CDKAL1: variants seen among roughly 807,000 people sequenced by gnomAD.
CDKAL1 encodes the protein CDKAL1 threonylcarbamoyladenosine tRNA methylthiotransferase.
In CDKAL1, 32 loss-of-function variants were observed where a neutral mutation model predicts 68.2. That is an observed-to-expected ratio of 0.47 (90% CI 0.35 to 0.63). The LOEUF (loss-of-function observed/expected upper bound fraction) is 0.63, where lower values mean the gene tolerates loss of function less well. Ranked by LOEUF, CDKAL1 falls within the 30% of genes least tolerant of loss-of-function variation. The probability of loss-of-function intolerance (pLI) is 0.00; values close to 1 mark genes in which losing one functional copy is unlikely to be tolerated. For synonymous variants in CDKAL1, 234 were observed against 244.3 expected (o/e 0.96, Z 0.39); for missense variants, 606 against 696.7 (o/e 0.87, Z 1.47).
chr6:21,200,474 C>T (rs553394584), intron 14 of CDKAL1, among the ~76,000 whole-genome samples: 14 of 152,192 alleles, frequency 9.2e-5, no homozygotes, highest in Non-Finnish European at 2.1e-4. Context: ...CCTTCTCCCT[C>T]AAAACACAGC....
intron 13 of CDKAL1, among the ~76,000 whole-genome samples, chr6:21,139,757 C>T (rs1180176091): frequency 6.6e-6 from 1 of 152,198 alleles, no homozygotes; most frequent in Non-Finnish European, 1.5e-5. Flanking sequence ...GTCCTCCGGC[C>T]TCAGCCCCGC....
At chr6:20,587,635 AGATGGCAG>A (rs974258758) in intron 4 of CDKAL1, among the ~76,000 whole-genome samples, 1 of 152,096 alleles carries the variant, frequency 6.6e-6, no homozygotes, top group African/African-American at 2.4e-5. Context: ...CTGGAGGCTG[AGATGGCAG>A]GATTTCTTGA....
intron 11 of CDKAL1, among the ~76,000 whole-genome samples, chr6:21,031,064 G>C (rs1582062669): frequency 6.6e-6 from 1 of 152,208 alleles, no homozygotes. Flanking sequence ...AAACTTCTCA[G>C]AGTCTCACTG....
At chr6:21,015,877 G>A (rs1768298477) in intron 11 of CDKAL1, among the ~76,000 whole-genome samples, 1 of 151,612 alleles carries the variant, frequency 6.6e-6, no homozygotes, top group Non-Finnish European at 1.5e-5. Flanking sequence ...GGACCCAGGA[G>A]CTGGAGGCTG....
chr6:20,913,855 G>T (rs955849758), intron 9 of CDKAL1, among the ~76,000 whole-genome samples: 3 of 152,168 alleles, frequency 2.0e-5, no homozygotes, highest in Admixed American at 6.5e-5. Flanking sequence ...GCTGTGGGTG[G>T]TGGCACACCA....
intron 5 of CDKAL1, among the ~76,000 whole-genome samples, chr6:20,651,910 A>G (rs776917118): frequency 8.5e-5 from 13 of 152,214 alleles, no homozygotes; most frequent in Non-Finnish European, 1.3e-4. Context: ...CCACTTGATC[A>G]TGGTGGATAA....
chr6:20,602,384 A>G (rs548968632), intron 4 of CDKAL1, among the ~76,000 whole-genome samples: 2 of 152,216 alleles, frequency 1.3e-5, no homozygotes, highest in African/African-American at 2.4e-5. Context: ...TCATTATAAT[A>G]TGAAAATCAG....
intron 13 of CDKAL1, among the ~76,000 whole-genome samples, chr6:21,146,615 C>T (rs1776179565): frequency 6.6e-6 from 1 of 152,056 alleles, no homozygotes; most frequent in South Asian, 2.1e-4. Context: ...CTTTCGGAGG[C>T]CGAGACGGGC....
At chr6:20,714,510 TC>T (rs1771999809) in intron 5 of CDKAL1, among the ~76,000 whole-genome samples, 1 of 148,212 alleles carries the variant, frequency 6.7e-6, no homozygotes, top group Admixed American at 6.8e-5. Flanking sequence ...CACTTCAGCC[TC>T]CCAAGTAGCT....
chr6:21,191,404 G>A (rs1208736067), intron 13 of CDKAL1, among the ~76,000 whole-genome samples: 1 of 152,200 alleles, frequency 6.6e-6, no homozygotes, highest in Non-Finnish European at 1.5e-5. Flanking sequence ...GACACAGCTA[G>A]CTGATTATGT....
intron 4 of CDKAL1, among the ~76,000 whole-genome samples, chr6:20,592,308 G>A (rs1765625451): frequency 6.6e-6 from 1 of 152,134 alleles, no homozygotes; most frequent in Non-Finnish European, 1.5e-5. Flanking sequence ...TGCAAACAGA[G>A]GTAATTTGAC....
At chr6:20,898,564 T>C (rs1475539960) in intron 9 of CDKAL1, among the ~76,000 whole-genome samples, 1 of 151,744 alleles carries the variant, frequency 6.6e-6, no homozygotes, top group Non-Finnish European at 1.5e-5. Flanking sequence ...CTCTTGACTA[T>C]TGATGGTAAC....
chr6:20,683,272 C>T (rs1770466940), intron 5 of CDKAL1, among the ~76,000 whole-genome samples: 1 of 152,186 alleles, frequency 6.6e-6, no homozygotes, highest in Non-Finnish European at 1.5e-5. Context: ...CATTTTAAAA[C>T]CTGGGTCATT....
intron 4 of CDKAL1, among the ~76,000 whole-genome samples, chr6:20,560,678 A>G (rs1284755237): frequency 6.6e-6 from 1 of 152,242 alleles, no homozygotes; most frequent in East Asian, 1.9e-4. Context: ...AAACTACTGC[A>G]TTTAAAAATT....
At chr6:21,167,352 A>G (rs1777193958) in intron 13 of CDKAL1, among the ~76,000 whole-genome samples, 1 of 152,224 alleles carries the variant, frequency 6.6e-6, no homozygotes, top group Non-Finnish European at 1.5e-5. Context: ...GTGCCACCAA[A>G]AGTAACCATG....
chr6:20,700,413 T>C (rs1031811548), intron 5 of CDKAL1, among the ~76,000 whole-genome samples: 1 of 151,884 alleles, frequency 6.6e-6, no homozygotes, highest in African/African-American at 2.4e-5. Flanking sequence ...TCCCCTAACA[T>C]GTGTGCCTTA....
At chr6:20,559,544 C>T (rs1238390835) in intron 4 of CDKAL1, 1 of 152,122 alleles carries the variant, frequency 6.6e-6, no homozygotes, top group African/African-American at 2.4e-5. Flanking sequence ...TCATCCTGTT[C>T]AACCTTTGGC....
intron 10 of CDKAL1, among the ~76,000 whole-genome samples, chr6:20,973,020 G>A (rs1765668283): frequency 6.6e-6 from 1 of 151,204 alleles, no homozygotes; most frequent in African/African-American, 2.4e-5. Flanking sequence ...AGAGGTTGCA[G>A]TGAGCCGAGA....
At chr6:21,202,538 ATTTTT>A in intron 15 of CDKAL1, among the ~76,000 whole-genome samples, 1 of 152,202 alleles carries the variant, frequency 6.6e-6, no homozygotes, top group East Asian at 1.9e-4. Flanking sequence ...AAGTCAGCTT[ATTTTT>A]TGTTTTGTTT....
Sources: gnomAD v4.1 joint callset for allele counts (sites outside exome capture counted in the v4.1 genomes callset) on GRCh38, gnomAD v4.1.1 for gene constraint, MANE v1.5 for transcripts, NCBI Gene and HGNC (gene_info 2026-07-23, HGNC 2026-07-21) for gene names.